Variants in SLC25A48 observed in about 807,000 individuals in gnomAD.
SLC25A48 encodes solute carrier family 25 member 48, also known as CTC-321K16.1.
A neutral mutation model predicts 32.2 loss-of-function variants in SLC25A48; 29 were observed. The ratio of observed to expected loss-of-function variants is 0.90; its 90% CI spans 0.67 to 1.23. SLC25A48 has a LOEUF of 1.23. Among genes scored for constraint, SLC25A48 ranks in the 50% most tolerant of loss-of-function variants. SLC25A48 has a pLI of 0.00. For synonymous variants in SLC25A48, 164 were observed against 172.3 expected (o/e 0.95, Z 0.38); for missense variants, 399 against 422.7 (o/e 0.94, Z 0.49).
At chr5:135,643,330 CTG>C (rs2126918485) in intron 3 of SLC25A48, among the ~76,000 whole-genome samples, 1 of 152,284 alleles carries the variant, frequency 6.6e-6, no homozygotes, top group East Asian at 1.9e-4. Flanking sequence ...ACACAAGACT[CTG>C]TGAAGAGAAG....
At chr5:135,672,025 A>G (rs1753668121) in intron 3 of SLC25A48, among the ~76,000 whole-genome samples, 1 of 152,234 alleles carries the variant, frequency 6.6e-6, no homozygotes, top group Admixed American at 6.5e-5. Context: ...AAAGCCAACC[A>G]TTAGCTTCCA....
intron 3 of SLC25A48, among the ~76,000 whole-genome samples, chr5:135,732,859 T>A (rs1270128486): frequency 1.3e-5 from 2 of 152,206 alleles, no homozygotes; most frequent in South Asian, 4.1e-4. Context: ...GAAAGCTAGC[T>A]GCTTTTTTAG....
Position 135,871,723 on chromosome 5 carries a change from G to T in SLC25A48, c.679+5G>T, listed in dbSNP as rs773458157. 11 of 1,612,578 alleles carry T rather than the reference G, an allele frequency of 6.8e-6. No homozygotes were observed. The highest frequency in any genetic ancestry group is 9.3e-6 in the Non-Finnish European group (11 of 1,179,310). On this transcript the variant is annotated splice_donor_5th_base_variant and intron_variant, in intron 5 of 7. Coordinates refer to ENST00000681962, the MANE Select transcript of SLC25A48 (RefSeq NM_001349336.2). Reference sequence around the variant, plus strand: ...GGCTGGCGGGCGGCATGGCAGGTAAGGGCAGCAGCAGCTGGAGCCGCACCC... The same window carrying T: ...GGCTGGCGGGCGGCATGGCAGGTAATGGCAGCAGCAGCTGGAGCCGCACCC...
intron 4 of SLC25A48, among the ~76,000 whole-genome samples, chr5:135,859,698 T>TGTGGAAGATGTGGAGTAAG (rs1760626318): frequency 6.6e-6 from 1 of 152,004 alleles, no homozygotes; most frequent in Non-Finnish European, 1.5e-5. Flanking sequence ...ATCATAGAGG[T>TGTGGAAGATGTGGAGTAAG]GTGGAAAATT....
Position 135,647,067 on chromosome 5 carries a change from A to T in SLC25A48, c.-521+12111A>T, listed in dbSNP as rs76121795. On this transcript the variant is annotated intron_variant, in intron 3 of 10. Coordinates refer to the SLC25A48 transcript ENST00000646290. ...ATATGTTAATTAGGTCAATTGTGGTAATCATTTCGCAATGTGTACTTATAT... is the reference window on the plus strand; with the variant it reads ...ATATGTTAATTAGGTCAATTGTGGTTATCATTTCGCAATGTGTACTTATAT... 4.1e-4 allele frequency among the ~76,000 whole-genome samples: 53 copies of T among 129,654 alleles called. No individual in the cohort carries two copies. In the East Asian group the frequency reaches 0.011, roughly 27 times the overall value. The allele number at this position is 129,654 out of a possible 152,430, so 85.1% of individuals were successfully genotyped here.
rs371717843 is a variant in SLC25A48, at chr5:135,780,248, G to A, written c.-520-32275G>A. ...ACTACAGGCGCCCGCCACCACGGCC[G>A]GTTAATTTTTTGTATTTTTAGTAGA... On this transcript the variant is annotated intron_variant, in intron 3 of 10. Coordinates refer to the SLC25A48 transcript ENST00000646290. Among the ~76,000 whole-genome samples, 17 of 101,970 alleles carry A rather than the reference G, an allele frequency of 1.7e-4. 3 individuals carry two copies. In the East Asian group the frequency reaches 3.3e-3, roughly 20 times the overall value. The allele number at this position is 101,970 out of a possible 152,430, so 66.9% of individuals were successfully genotyped here. A position where few individuals can be genotyped will look rare whatever the true frequency, so the allele number is the denominator to read the frequency against.
At chr5:135,651,405 G>C (rs1300183397) in intron 3 of SLC25A48, among the ~76,000 whole-genome samples, 1 of 152,184 alleles carries the variant, frequency 6.6e-6, no homozygotes, top group African/African-American at 2.4e-5. Flanking sequence ...TGAGTTCCTA[G>C]GCATGGCATG....
chr5:135,736,798 C>T (rs4305639), intron 3 of SLC25A48, among the ~76,000 whole-genome samples: 1,673 of 152,146 alleles, frequency 0.011, 17 homozygotes, highest in Non-Finnish European at 0.017. Flanking sequence ...ACAGATAAAA[C>T]GCATCTCCTG....
chr5:135,810,623 T>G (rs577339268), intron 3 of SLC25A48, among the ~76,000 whole-genome samples: 1 of 152,332 alleles, frequency 6.6e-6, no homozygotes, highest in East Asian at 1.9e-4. Flanking sequence ...CCTCTCTTTC[T>G]GCTCTGCCAC....
chr5:135,787,812 C>T (rs1409463178), intron 3 of SLC25A48, among the ~76,000 whole-genome samples: 1 of 147,158 alleles, frequency 6.8e-6, no homozygotes, highest in Non-Finnish European at 1.5e-5. Flanking sequence ...AATGTCACAG[C>T]TGGTGTACAT....
At chr5:135,735,052 G>C (rs1183130383) in intron 3 of SLC25A48, among the ~76,000 whole-genome samples, 1 of 152,140 alleles carries the variant, frequency 6.6e-6, no homozygotes, top group African/African-American at 2.4e-5. Flanking sequence ...TTTCCAGTGG[G>C]GTCCCGCACA....
intron 4 of SLC25A48, among the ~76,000 whole-genome samples, chr5:135,860,770 CTGAT>C (rs1760711794): frequency 6.6e-6 from 1 of 152,136 alleles, no homozygotes; most frequent in Non-Finnish European, 1.5e-5. Context: ...GCTTTTGAGA[CTGAT>C]TGGGTTTTGT....
At chr5:135,670,747 G>A (rs568234326) in intron 3 of SLC25A48, among the ~76,000 whole-genome samples, 1 of 152,216 alleles carries the variant, frequency 6.6e-6, no homozygotes, top group Non-Finnish European at 1.5e-5. Flanking sequence ...GAGTCTCCTG[G>A]AAGAAGTACT....
intron 3 of SLC25A48, among the ~76,000 whole-genome samples, chr5:135,761,851 C>T (rs1314433099): frequency 4.6e-5 from 7 of 152,182 alleles, no homozygotes; most frequent in African/African-American, 1.7e-4. Context: ...CCCACTTGGC[C>T]TCCCACACTT....
intron 3 of SLC25A48, among the ~76,000 whole-genome samples, chr5:135,642,683 G>A (rs1752866569): frequency 6.6e-6 from 1 of 152,180 alleles, no homozygotes; most frequent in Admixed American, 6.5e-5. Context: ...GAAATGTTGT[G>A]TTGGATTCTG....
chr5:135,600,847 TA>T (rs367601954), intron 1 of SLC25A48, among the ~76,000 whole-genome samples: 5,368 of 108,872 alleles, frequency 0.049, 148 homozygotes, highest in Non-Finnish European at 0.069. Flanking sequence ...CATGCCCGGG[TA>T]TTTTTTTTTT....
At chr5:135,775,051 C>A (rs1436336229) in intron 3 of SLC25A48, among the ~76,000 whole-genome samples, 1 of 151,574 alleles carries the variant, frequency 6.6e-6, no homozygotes, top group Non-Finnish European at 1.5e-5. Flanking sequence ...GTACACACAC[C>A]CTATGATACT....
chr5:135,858,975 T>C (rs1760561542), intron 4 of SLC25A48, among the ~76,000 whole-genome samples: 1 of 151,968 alleles, frequency 6.6e-6, no homozygotes, highest in South Asian at 2.1e-4. Flanking sequence ...GAGGGGAGGC[T>C]GACAAAAAGT....
chr5:135,665,935 T>C (rs1320267385), intron 3 of SLC25A48, among the ~76,000 whole-genome samples: 1 of 152,186 alleles, frequency 6.6e-6, no homozygotes, highest in African/African-American at 2.4e-5. Flanking sequence ...GAATACTTAT[T>C]TGGGTACTTT....
Sources: gnomAD v4.1 joint callset for allele counts (sites outside exome capture counted in the v4.1 genomes callset) on GRCh38, gnomAD v4.1.1 for gene constraint, MANE v1.5 for transcripts, NCBI Gene and HGNC (gene_info 2026-07-23, HGNC 2026-07-21) for gene names.